The following DGKG variants were observed in gnomAD, a reference collection of about 807,000 sequenced individuals.
The protein encoded by DGKG is diacylglycerol kinase gamma.
In DGKG, 78 loss-of-function variants were observed where a neutral mutation model predicts 105.3. The ratio of observed to expected loss-of-function variants is 0.74; its 90% CI spans 0.62 to 0.89. The LOEUF is 0.89. DGKG is among the 40% of genes least tolerant of loss of function. DGKG has a pLI of 0.00. For synonymous variants in DGKG, 346 were observed against 367.1 expected (o/e 0.94, Z 0.66); for missense variants, 958 against 1,020.1 (o/e 0.94, Z 0.83).
intron 3 of DGKG, among the ~76,000 whole-genome samples, chr3:186,299,810 T>TTTCTTTCTTTC (rs1560141876): frequency 2.3e-4 from 24 of 102,200 alleles, no homozygotes; most frequent in African/African-American, 4.2e-4. Flanking sequence ...TCTTTCTTTC[T>TTTCTTTCTTTC]TTCTTTCTTT....
At chr3:186,251,560 G>T (rs1721227578) in intron 19 of DGKG, among the ~76,000 whole-genome samples, 199 bp downstream of exon 19, 2 of 152,198 alleles carry the variant, frequency 1.3e-5, no homozygotes, top group African/African-American at 4.8e-5. Flanking sequence ...TACTCCCTAA[G>T]CAAGAGATGG....
intron 24 of DGKG, 148 bp from the exon 25 acceptor site, chr3:186,150,336 G>GGCTTCAAAA: frequency 1.9e-6 from 2 of 1,065,476 alleles, no homozygotes; most frequent in South Asian, 3.4e-5. Context: ...TTCAAAATTG[G>GGCTTCAAAA]CAACTTGACC....
intron 10 of DGKG, among the ~76,000 whole-genome samples, chr3:186,273,846 C>T (rs553384169): frequency 6.6e-5 from 10 of 152,342 alleles, no homozygotes; most frequent in Admixed American, 3.9e-4. Context: ...AGCAGCTCCC[C>T]GGTGTCTGGT....
intron 2 of DGKG, among the ~76,000 whole-genome samples, chr3:186,310,367 CAATTTGCTTT>C (rs1184821192): frequency 4.7e-5 from 7 of 150,408 alleles, no homozygotes; most frequent in Non-Finnish European, 1.0e-4. Context: ...ACATTTACTT[CAATTTGCTTT>C]ATGGGCTTTC....
chr3:186,165,441 T>A (rs1192481207), intron 22 of DGKG, among the ~76,000 whole-genome samples: 1 of 152,230 alleles, frequency 6.6e-6, no homozygotes, highest in African/African-American at 2.4e-5. Context: ...TCTCTGAATG[T>A]CTGAATAACA....
chr3:186,199,788 C>T (rs1718360216), intron 21 of DGKG, among the ~76,000 whole-genome samples: 1 of 152,198 alleles, frequency 6.6e-6, no homozygotes, highest in South Asian at 2.1e-4. Context: ...GCTGGAATTA[C>T]AGGGTGTGAG....
At chr3:186,158,089 A>G in intron 24 of DGKG, 2 of 452,048 alleles carry the variant, frequency 4.4e-6, no homozygotes, top group Non-Finnish European at 5.8e-6. Flanking sequence ...AATATGTTTG[A>G]TTCCTTTCTC....
chr3:186,189,106 C>A (rs1717784418), intron 21 of DGKG, among the ~76,000 whole-genome samples: 1 of 152,210 alleles, frequency 6.6e-6, no homozygotes, highest in Admixed American at 6.5e-5. Context: ...AGCCACCACG[C>A]CTGGCCAGAA....
chr3:186,288,086 G>C (rs1232745514), intron 6 of DGKG, among the ~76,000 whole-genome samples: 1 of 152,172 alleles, frequency 6.6e-6, no homozygotes, highest in African/African-American at 2.4e-5. Flanking sequence ...TCTGCTCCCA[G>C]CTCTTACTCT....
intron 18 of DGKG, among the ~76,000 whole-genome samples, chr3:186,252,606 G>A (rs1296200946): frequency 2.6e-5 from 4 of 152,218 alleles, no homozygotes; most frequent in Non-Finnish European, 1.5e-5. Context: ...ATGGCTATGG[G>A]GCTTAGGATG....
intron 7 of DGKG, among the ~76,000 whole-genome samples, chr3:186,282,009 C>T (rs1016778838): frequency 5.3e-5 from 8 of 152,126 alleles, no homozygotes; most frequent in Middle Eastern, 3.2e-3. Context: ...CTTATGAGAA[C>T]CAGTGTAGGA....
At chr3:186,318,264 C>T (rs1262035669) in intron 2 of DGKG, among the ~76,000 whole-genome samples, 2 of 152,110 alleles carry the variant, frequency 1.3e-5, no homozygotes, top group Non-Finnish European at 2.9e-5. Context: ...ATTTTCTGTG[C>T]CTTCTCACCA....
chr3:186,323,125 C>A (rs1020221519), intron 1 of DGKG, among the ~76,000 whole-genome samples: 2 of 152,154 alleles, frequency 1.3e-5, no homozygotes, highest in Non-Finnish European at 2.9e-5. Flanking sequence ...ACATCTCTCT[C>A]GGTAATAAAA....
chr3:186,294,394 G>A (rs1219103809), intron 5 of DGKG, among the ~76,000 whole-genome samples: 1 of 152,090 alleles, frequency 6.6e-6, no homozygotes, highest in Admixed American at 6.6e-5. Flanking sequence ...AATTAGCCTG[G>A]CCATGATGGC....
intron 2 of DGKG, among the ~76,000 whole-genome samples, chr3:186,313,318 A>T (rs1224209909): frequency 6.6e-6 from 1 of 152,228 alleles, no homozygotes; most frequent in Non-Finnish European, 1.5e-5. Flanking sequence ...TTACATATGA[A>T]ATAATAAGAA....
intron 14 of DGKG, among the ~76,000 whole-genome samples, chr3:186,262,307 C>T (rs1721816300): frequency 6.6e-6 from 1 of 152,160 alleles, no homozygotes; most frequent in African/African-American, 2.4e-5. Flanking sequence ...CTCAACATGC[C>T]TCATACATGA....
intron 21 of DGKG, among the ~76,000 whole-genome samples, chr3:186,197,638 A>T (rs1718247282): frequency 6.6e-6 from 1 of 152,162 alleles, no homozygotes. Flanking sequence ...TGTAAGTCAG[A>T]CTACGGTGAA....
Position 186,167,760 on chromosome 3 carries a change from TTCACTCACTCACTCAC to T in DGKG, c.2096-2758_2096-2743del, listed in dbSNP as rs56211107. ...TGTATGCACCTTAGTAAAACAGGAA[TTCACTCACTCACTCAC>T]TCACTCACTCACTCACTCACTCACT... On this transcript the variant is annotated intron_variant, in intron 22 of 24. Coordinates refer to ENST00000265022, the MANE Select transcript of DGKG (RefSeq NM_001346.3). Among the ~76,000 whole-genome samples, 91 of 150,716 alleles carry T rather than the reference TTCACTCACTCACTCAC, an allele frequency of 6.0e-4. 2 individuals are homozygous for T. The highest frequency in any genetic ancestry group is 6.8e-3 in the Middle Eastern group (2 of 292).
intron 21 of DGKG, among the ~76,000 whole-genome samples, chr3:186,199,005 T>C (rs901086494): frequency 9.2e-5 from 14 of 152,102 alleles, no homozygotes; most frequent in African/African-American, 3.4e-4. Flanking sequence ...TGGAGTGCAA[T>C]GGTGCGATCT....
Sources: allele counts gnomAD v4.1 joint callset (sites outside exome capture counted in the v4.1 genomes callset), GRCh38; gene constraint gnomAD v4.1.1; transcripts MANE v1.5; gene names NCBI Gene and HGNC (gene_info 2026-07-23, HGNC 2026-07-21).